The following RBFOX1 variants were observed in gnomAD, a reference collection of about 807,000 sequenced individuals.
RBFOX1 encodes RNA binding fox-1 homolog 1.
A neutral mutation model predicts 57.7 loss-of-function variants in RBFOX1; 8 were observed. That is an observed-to-expected ratio of 0.14 (90% CI 0.08 to 0.25). The LOEUF (loss-of-function observed/expected upper bound fraction) is 0.25. Among genes scored for constraint, RBFOX1 ranks in the 10% least tolerant of loss-of-function variants. RBFOX1 has a pLI of 1.00. For synonymous variants in RBFOX1, 326 were observed against 222.4 expected (o/e 1.47, Z -4.15); for missense variants, 611 against 548.5 (o/e 1.11, Z -1.14).
rs750285832 is a variant in RBFOX1 at position 6,892,775 on chromosome 16, CCTCTCTCTCTCTCT to C, written c.-15-159243_-15-159230del. On this transcript the variant is annotated intron_variant, in intron 3 of 15. Coordinates refer to ENST00000550418, the MANE Select transcript of RBFOX1 (RefSeq NM_018723.4). Reference sequence around the variant, plus strand: ...CATATTCTCAAAGCCTCCCTGTCTCCCTCTCTCTCTCTCTCTCTCTCTCTCTCTCTCTCTCTCTC... The same window carrying C: ...CATATTCTCAAAGCCTCCCTGTCTCCCTCTCTCTCTCTCTCTCTCTCTCTC... Among the ~76,000 whole-genome samples, 115 of 84,732 alleles carry C rather than the reference CCTCTCTCTCTCTCT, an allele frequency of 1.4e-3. 1 individual carries two copies. The highest frequency in any genetic ancestry group is 0.019 in the Middle Eastern group (2 of 106). The allele number at this position is 84,732 out of a possible 152,430, so 55.6% of individuals were successfully genotyped here. A position where few individuals can be genotyped will look rare whatever the true frequency, so the allele number is the denominator to read the frequency against.
At chr16:5,963,668 T>A (rs1205027907) in intron 4 of RBFOX1, among the ~76,000 whole-genome samples, 1 of 152,196 alleles carries the variant, frequency 6.6e-6, no homozygotes, top group Non-Finnish European at 1.5e-5. Flanking sequence ...AAGGATGGTC[T>A]CTTCGAGAAA....
At chr16:7,519,930 G>A (rs914799215) in intron 5 of RBFOX1, among the ~76,000 whole-genome samples, 2 of 152,130 alleles carry the variant, frequency 1.3e-5, no homozygotes, top group Non-Finnish European at 1.5e-5. Context: ...CTGTTGCCCA[G>A]GCTGGAGTGC....
intron 3 of RBFOX1, among the ~76,000 whole-genome samples, chr16:5,646,609 G>T (rs2049062803): frequency 6.6e-6 from 1 of 152,004 alleles, no homozygotes; most frequent in African/African-American, 2.4e-5. Context: ...GCATGGCAGG[G>T]GTCTGGGCAG....
At chr16:5,734,466 C>G (rs906958336) in intron 3 of RBFOX1, among the ~76,000 whole-genome samples, 1 of 152,178 alleles carries the variant, frequency 6.6e-6, no homozygotes, top group Non-Finnish European at 1.5e-5. Flanking sequence ...ACAGCACATG[C>G]TTTCATGCTT....
intron 1 of RBFOX1, among the ~76,000 whole-genome samples, chr16:6,148,071 G>A (rs956933280): frequency 5.9e-5 from 9 of 152,218 alleles, no homozygotes; most frequent in Non-Finnish European, 1.2e-4. Flanking sequence ...GCTCAAGCCT[G>A]TAATCCCAGC....
intron 1 of RBFOX1, among the ~76,000 whole-genome samples, chr16:5,288,251 T>C (rs1457465599): frequency 6.6e-6 from 1 of 152,220 alleles, no homozygotes; most frequent in Admixed American, 6.5e-5. Flanking sequence ...TATATAGTCT[T>C]TTACATGCTG....
chr16:7,002,894 A>C (rs552799325), intron 3 of RBFOX1, among the ~76,000 whole-genome samples: 4 of 152,308 alleles, frequency 2.6e-5, no homozygotes, highest in African/African-American at 9.6e-5. Context: ...ATAAGGCTAG[A>C]AATCAGAATA....
At chr16:6,941,011 T>C (rs1225039368) in intron 3 of RBFOX1, among the ~76,000 whole-genome samples, 1 of 151,924 alleles carries the variant, frequency 6.6e-6, no homozygotes, top group Non-Finnish European at 1.5e-5. Context: ...CCGGCCCCCC[T>C]TATCGTATAC....
chr16:7,384,035 C>T (rs1330662826), intron 4 of RBFOX1, among the ~76,000 whole-genome samples: 3 of 143,424 alleles, frequency 2.1e-5, no homozygotes, highest in Non-Finnish European at 3.0e-5. Context: ...GCCTGGGCAA[C>T]AGAGTGAGAC....
chr16:7,062,741 T>C (rs913614840), intron 4 of RBFOX1, among the ~76,000 whole-genome samples: 5 of 152,068 alleles, frequency 3.3e-5, no homozygotes, highest in African/African-American at 1.2e-4. Context: ...CTGGAGTTCA[T>C]TCATTTCGGT....
At chr16:7,224,170 A>T (rs1351227631) in intron 4 of RBFOX1, among the ~76,000 whole-genome samples, 1 of 141,530 alleles carries the variant, frequency 7.1e-6, no homozygotes, top group Non-Finnish European at 1.5e-5. Flanking sequence ...TCAGTTGAGG[A>T]ACTCACTCAG....
rs995502186 is a variant in RBFOX1, at chr16:6,896,318, T to G, written c.-15-155739T>G. On this transcript the variant is annotated intron_variant, in intron 3 of 15. Transcript: ENST00000550418. ...GTACTAACAATCCAAGTACACTCTT[T>G]TAGTTATTTTTAAATATAAAATTAC... Among the ~76,000 whole-genome samples, 8 of 152,340 alleles carry G rather than the reference T, an allele frequency of 5.3e-5. No homozygotes were observed. The East Asian group carries it at 5.8e-4, about 11-fold the overall frequency.
chr16:5,523,804 G>C (rs1036849392), intron 2 of RBFOX1, among the ~76,000 whole-genome samples: 7 of 152,148 alleles, frequency 4.6e-5, no homozygotes, highest in African/African-American at 1.7e-4. Context: ...GGTGGGGAGA[G>C]GATTTGGAAG....
chr16:7,607,410 A>C, intron 10 of RBFOX1, 72 bp downstream of exon 10: 9 of 1,396,432 alleles, frequency 6.4e-6, no homozygotes, highest in Non-Finnish European at 9.0e-6. Context: ...AGAATGAATG[A>C]GTTTTGTAAA....
chr16:7,487,526 A>T (rs986079159), intron 4 of RBFOX1, among the ~76,000 whole-genome samples: 1 of 152,220 alleles, frequency 6.6e-6, no homozygotes, highest in African/African-American at 2.4e-5. Context: ...ATGGATGAAC[A>T]TTCCTTAAAG....
At chr16:5,536,228 CT>C (rs57061495) in intron 2 of RBFOX1, among the ~76,000 whole-genome samples, 139 of 103,520 alleles carry the variant, frequency 1.3e-3, no homozygotes, top group Non-Finnish European at 1.7e-3. Context: ...AATCTCCTGT[CT>C]TTTTTTTTTT....
At chr16:6,132,952 G>A (rs367658381) in intron 1 of RBFOX1, among the ~76,000 whole-genome samples, 1 of 143,942 alleles carries the variant, frequency 6.9e-6, no homozygotes, top group Non-Finnish European at 1.5e-5. Flanking sequence ...GCAACAGAAC[G>A]AGACTCTGTC....
At chr16:6,633,316 C>T (rs902207969) in intron 2 of RBFOX1, among the ~76,000 whole-genome samples, 47 of 152,064 alleles carry the variant, frequency 3.1e-4, no homozygotes, top group African/African-American at 7.3e-5. Context: ...TCACTCTTGT[C>T]GCCCAGGCTG....
chr16:6,811,221 T>C (rs766605121), intron 3 of RBFOX1, among the ~76,000 whole-genome samples: 4 of 151,944 alleles, frequency 2.6e-5, no homozygotes, highest in Non-Finnish European at 5.9e-5. Flanking sequence ...CAGGAAATAA[T>C]ATAGGCAGGA....
Sources: gnomAD v4.1 joint callset for allele counts (sites outside exome capture counted in the v4.1 genomes callset) on GRCh38, gnomAD v4.1.1 for gene constraint, MANE v1.5 for transcripts, NCBI Gene and HGNC (gene_info 2026-07-23, HGNC 2026-07-21) for gene names.